Variants in UTP18 observed in about 807,000 individuals in gnomAD.
UTP18 encodes UTP18 small subunit processome component, also known as U3 small nucleolar RNA-associated protein 18 homolog.
A neutral mutation model predicts 61.1 loss-of-function variants in UTP18; 36 were observed. The ratio of observed to expected loss-of-function variants is 0.59; its 90% confidence interval spans 0.45 to 0.78. The LOEUF (loss-of-function observed/expected upper bound fraction) is 0.78. Ranked by LOEUF, UTP18 falls within the 30% of genes least tolerant of loss-of-function variation. The pLI is 0.00. For synonymous variants in UTP18, 282 were observed against 251.1 expected (o/e 1.12, Z -1.16); for missense variants, 753 against 693.9 (o/e 1.09, Z -0.96).
Position 51,288,223 on chromosome 17 carries a change from TTTA to T in UTP18, c.1503+26_1503+28del, listed in dbSNP as rs531254848. On this transcript the variant is annotated intron_variant, in intron 11 of 13. Coordinates refer to ENST00000225298, the MANE Select transcript of UTP18 (RefSeq NM_016001.3). ...AGATTGGTAAATATTTCATTACCCC[TTTA>T]TTATTGTTATTTTTTAAATTTAAGT... The T allele has an allele frequency of 5.7e-3, 8,723 of 1,542,724 alleles. 61 individuals carry two copies. The highest frequency in any genetic ancestry group is 0.017 in the Middle Eastern group (85 of 4,882).
intron 11 of UTP18, among the ~76,000 whole-genome samples, chr17:51,293,370 A>C (rs1905281601): frequency 6.6e-6 from 1 of 152,192 alleles, no homozygotes; most frequent in African/African-American, 2.4e-5. Flanking sequence ...AGGTGGGAGC[A>C]TGGGAGAGGG....
In UTP18 at chr17:51,293,919, G is replaced by C; in HGVS notation, c.1520G>C (p.Cys507Ser). The C allele has an allele frequency of 6.3e-7, 1 of 1,596,922 alleles. No individual in the cohort carries two copies. Among genetic ancestry groups the C allele is most frequent in the South Asian group, 1.1e-5 (1 of 87,710 alleles). The change falls in exon 12 of 14, where the codon TGT (cysteine) becomes TCT (serine). Residue 507 changes from cysteine (C) to serine (S), a missense_variant. Coordinates refer to ENST00000225298, the MANE Select transcript of UTP18 (RefSeq NM_016001.3). Reference sequence around the variant, plus strand: ...CTCCTGCAGGTTCATCTTCCTTCCTGTACAGTATTTTCAAACTTCCCAGTC... The same window carrying C: ...CTCCTGCAGGTTCATCTTCCTTCCTCTACAGTATTTTCAAACTTCCCAGTC... Reference protein sequence around the residue: ...EAVRLVHLPSCTVFSNFPVIK... With the variant: ...EAVRLVHLPSSTVFSNFPVIK...
At chr17:51,278,530 G>A (rs1408581931) in intron 7 of UTP18, among the ~76,000 whole-genome samples, 1 of 152,212 alleles carries the variant, frequency 6.6e-6, no homozygotes, top group African/African-American at 2.4e-5. Flanking sequence ...TGCTAGGTGG[G>A]CAGGAGTGTG....
chr17:51,288,651 T>C (rs1307047254), intron 11 of UTP18: 1 of 455,436 alleles, frequency 2.2e-6, no homozygotes, highest in Non-Finnish European at 4.4e-6. Flanking sequence ...AGCTAGGTAG[T>C]ACCTTTGAAT....
intron 12 of UTP18, among the ~76,000 whole-genome samples, chr17:51,294,384 G>A (rs928517511): frequency 7.3e-6 from 1 of 136,126 alleles, no homozygotes; most frequent in Admixed American, 8.4e-5. Flanking sequence ...GGAGTGTCAT[G>A]TTCTCCTTCC....
intron 2 of UTP18, among the ~76,000 whole-genome samples, chr17:51,265,146 A>G (rs889764442): frequency 6.6e-6 from 1 of 152,180 alleles, no homozygotes; most frequent in Non-Finnish European, 1.5e-5. Context: ...GAATTTTTAT[A>G]TAGTCAAATC....
At chr17:51,290,401 G>A (rs1905212026) in intron 11 of UTP18, among the ~76,000 whole-genome samples, 1 of 152,148 alleles carries the variant, frequency 6.6e-6, no homozygotes, top group Admixed American at 6.6e-5. Context: ...GGGTGACAGA[G>A]TAAGAGTCTG....
At chr17:51,268,007 G>GGT (rs1904357717) in intron 3 of UTP18, among the ~76,000 whole-genome samples, 1 of 130,582 alleles carries the variant, frequency 7.7e-6, no homozygotes, top group African/African-American at 3.0e-5. Context: ...TTTGTTTTTT[G>GGT]TTTTTTGTTT....
chr17:51,261,167 G>A (rs1360639252), intron 1 of UTP18, among the ~76,000 whole-genome samples: 4 of 152,250 alleles, frequency 2.6e-5, no homozygotes, highest in Non-Finnish European at 5.9e-5. Context: ...GCCGCTGCTC[G>A]GGTATCTGCT....
At chr17:51,280,229 G>C in intron 8 of UTP18, 124 bp downstream of exon 8, 2 of 1,304,762 alleles carry the variant, frequency 1.5e-6, no homozygotes, top group South Asian at 2.7e-5. Context: ...GGTGGGACTT[G>C]GAGAGAAGTT....
intron 11 of UTP18, among the ~76,000 whole-genome samples, chr17:51,289,848 C>T (rs1449686337): frequency 1.3e-5 from 2 of 152,158 alleles, no homozygotes; most frequent in Non-Finnish European, 2.9e-5. Flanking sequence ...AAGAGTTCTA[C>T]AAAAAGTTTG....
At chr17:51,289,572 ACTTT>A (rs1905196376) in intron 11 of UTP18, among the ~76,000 whole-genome samples, 2 of 152,154 alleles carry the variant, frequency 1.3e-5, no homozygotes, top group African/African-American at 4.8e-5. Flanking sequence ...ATCAGAGCTC[ACTTT>A]CAGTGTCACC....
In UTP18 at chr17:51,291,738, C is replaced by CAA. The variant is rs373296052; in HGVS notation, c.1504-2151_1504-2150dup. 4.6e-3 allele frequency among the ~76,000 whole-genome samples: 449 copies of CAA among 97,064 alleles called. 5 individuals carry two copies. The highest frequency in any genetic ancestry group is 0.012 in the African/African-American group (405 of 32,772). The allele number at this position is 97,064 out of a possible 152,430, so 63.7% of individuals were successfully genotyped here. A position where few individuals can be genotyped will look rare whatever the true frequency, so the allele number is the denominator to read the frequency against. On this transcript the variant is annotated intron_variant, in intron 11 of 13. Transcript: ENST00000225298. ...CAACAGAGTGAGTGAGACTTGATCT[C>CAA]AAAAAAAAAAAAAAAGAAAAGAAAA...
At chr17:51,277,385 A>C (rs1904766983) in intron 7 of UTP18, 81 bp downstream of exon 7, 1 of 1,442,932 alleles carries the variant, frequency 6.9e-7, no homozygotes, top group South Asian at 1.3e-5. Flanking sequence ...CACTTTTTTC[A>C]CTCCATAGGA....
At chr17:51,273,304 G>T in intron 4 of UTP18, 58 bp from the exon 5 acceptor site, 1 of 1,338,180 alleles carries the variant, frequency 7.5e-7, no homozygotes, top group Admixed American at 2.1e-5. Context: ...GTTTGGGGTA[G>T]GTAAAAGGGG....
In UTP18 at chr17:51,260,548, T is replaced by A; in HGVS notation, c.-37T>A. 2 of 1,588,330 alleles carry A rather than the reference T, an allele frequency of 1.3e-6. No individual in the cohort carries two copies. On this transcript the variant is annotated 5_prime_UTR_variant, in exon 1 of 14. Coordinates refer to ENST00000225298, the MANE Select transcript of UTP18 (RefSeq NM_016001.3). ...GGCCTGGGCGCATGCGCAGCGAGGT[T>A]CCACGTGAGCGCCTGCGTTTCTCCT...
intron 8 of UTP18, 86 bp downstream of exon 8, chr17:51,280,191 A>G: frequency 7.1e-7 from 1 of 1,415,724 alleles, no homozygotes; most frequent in Non-Finnish European, 9.8e-7. Context: ...TGTGTCCTTA[A>G]ATCTGCATCT....
At chr17:51,289,600 G>A (rs902819208) in intron 11 of UTP18, among the ~76,000 whole-genome samples, 1 of 152,100 alleles carries the variant, frequency 6.6e-6, no homozygotes, top group Non-Finnish European at 1.5e-5. Context: ...TCTCTGTGAA[G>A]TTTCCTAATC....
chr17:51,281,844 A>T (rs576159820), intron 9 of UTP18, among the ~76,000 whole-genome samples: 4 of 152,364 alleles, frequency 2.6e-5, no homozygotes, highest in African/African-American at 9.6e-5. Flanking sequence ...GATAAGGCAG[A>T]CATTATTTAA....
Sources: gnomAD v4.1 joint callset for allele counts (sites outside exome capture counted in the v4.1 genomes callset) on GRCh38, gnomAD v4.1.1 for gene constraint, MANE v1.5 for transcripts, NCBI Gene and HGNC (gene_info 2026-07-23, HGNC 2026-07-21) for gene names.